TUBA8: variants seen among roughly 807,000 people sequenced by gnomAD.
TUBA8 encodes tubulin alpha-8 chain.
TUBA8 carries 29 observed loss-of-function variants against 34.7 expected under a neutral mutation model. That is an observed-to-expected ratio of 0.84 (90% confidence interval 0.62 to 1.14). TUBA8 has a LOEUF of 1.14. Among genes scored for constraint, TUBA8 ranks in the 50% most tolerant of loss-of-function variants. The pLI, the probability that TUBA8 is intolerant of heterozygous loss-of-function variation, is 0.00. For synonymous variants in TUBA8, 226 were observed against 231.2 expected (o/e 0.98, Z 0.21); for missense variants, 541 against 599.2 (o/e 0.90, Z 1.01).
Position 18,121,539 on chromosome 22 carries a change from G to A in TUBA8, c.64G>A (p.Glu22Lys), listed in dbSNP as rs1216995134. The A allele has an allele frequency of 1.9e-6, 3 of 1,614,204 alleles. No individual in the cohort carries two copies. The highest frequency in any genetic ancestry group is 1.7e-5 in the Admixed American group (1 of 60,022). Residue 22 changes from glutamate (E) to lysine (K), a missense_variant, in exon 2 of 5, where the codon GAG becomes AAG. Coordinates refer to ENST00000330423, the MANE Select transcript of TUBA8 (RefSeq NM_018943.3). This position sits in a 1 kb window ranked among gnomAD's most constrained non-coding sequence, Gnocchi z 4.8. Reference protein sequence around the residue: ...AGVQIGNACWELFCLEHGIQA... With the variant: ...AGVQIGNACWKLFCLEHGIQA... ...AGTTCAGATTGGCAATGCCTGCTGG[G>A]AGCTCTTCTGCCTGGAACACGGCAT...
Position 18,110,966 on chromosome 22 carries a change from C to T in TUBA8, c.3+98C>T. On this transcript the variant is annotated intron_variant, in intron 1 of 4. Coordinates refer to ENST00000330423, the MANE Select transcript of TUBA8 (RefSeq NM_018943.3). This position sits in a 1 kb window ranked among gnomAD's most constrained non-coding sequence, Gnocchi z 6.2. ...GGCGCACGGACCCGTCTTCCTGGAG[C>T]CGCAGGGCTCAAGGCCTTCTGGGGG... 1.3e-6 allele frequency: 2 copies of T among 1,523,146 alleles called. No individual in the cohort carries two copies. The highest frequency in any genetic ancestry group is 1.8e-6 in the Non-Finnish European group (2 of 1,137,434). The allele number at this position is 1,523,146 out of a possible 1,614,324, so 94.4% of individuals were successfully genotyped here. A position where few individuals can be genotyped will look rare whatever the true frequency, so the allele number is the denominator to read the frequency against.
chr22:18,114,252 G>A (rs925530953), intron 1 of TUBA8: 1 of 152,340 alleles, frequency 6.6e-6, no homozygotes, highest in Non-Finnish European at 1.5e-5. Flanking sequence ...AGTGTCTCTT[G>A]CACCTGCCCC....
At chr22:18,116,019 G>C (rs1927961715) in intron 1 of TUBA8, 1 of 152,286 alleles carries the variant, frequency 6.6e-6, no homozygotes, top group South Asian at 2.1e-4. Flanking sequence ...AACTGAGAGA[G>C]ACAGGAGCAG....
chr22:18,129,461 TCAAGAGA>T (rs1569201919), intron 4 of TUBA8: 1 of 152,222 alleles, frequency 6.6e-6, no homozygotes, highest in Admixed American at 6.5e-5. Flanking sequence ...TTGACTCAGG[TCAAGAGA>T]TGTTAGCACT....
chr22:18,127,394 G>GTTTTT (rs1302279460), intron 4 of TUBA8: 11 of 147,400 alleles, frequency 7.5e-5, no homozygotes, highest in Non-Finnish European at 9.7e-5. Context: ...CGTTAGTTTT[G>GTTTTT]TTTTTTTTTT....
chr22:18,112,563 C>T (rs1046159915), intron 1 of TUBA8: 1 of 152,214 alleles, frequency 6.6e-6, no homozygotes, highest in African/African-American at 2.4e-5. Flanking sequence ...CTTAACCCAG[C>T]CCTGTGCACA....
At chr22:18,127,074 G>A in intron 4 of TUBA8, 40 bp downstream of exon 4, 2 of 1,608,978 alleles carry the variant, frequency 1.2e-6, no homozygotes, top group Non-Finnish European at 8.5e-7. Flanking sequence ...GAGGACTAGA[G>A]AAGCAGAGGG....
Position 18,126,998 on chromosome 22 carries a change from C to T in TUBA8, c.1020C>T (p.Thr340=), listed in dbSNP as rs752318107. 3 of 1,614,098 alleles carry T rather than the reference C, an allele frequency of 1.9e-6. No homozygotes were observed. The highest frequency in any genetic ancestry group is 1.7e-5 in the Admixed American group (1 of 60,002). ...TTGCTGCCATCAAGACCAAGAGGACCATCCAGTTTGTAGACTGGTGTCCCA... is the reference window on the plus strand; with the variant it reads ...TTGCTGCCATCAAGACCAAGAGGACTATCCAGTTTGTAGACTGGTGTCCCA... ...VAIAAIKTKR[T]IQFVDWCPTG... is the part of the protein sequence containing the mutation. Residue 340 remains threonine, a synonymous_variant, in exon 4 of 5, where the codon ACC becomes ACT. Transcript: ENST00000330423. This position sits in a 1 kb window ranked among gnomAD's most constrained non-coding sequence, Gnocchi z 4.0.
Position 18,121,626 on chromosome 22 carries a change from A to G in TUBA8, c.151A>G (p.Thr51Ala), listed in dbSNP as rs1244031361. Residue 51 changes from threonine to alanine, a missense_variant, in exon 2 of 5, where the codon ACC becomes GCC. Thr to Ala is a moderately conservative substitution (Grantham distance 58, BLOSUM62 0). Coordinates refer to ENST00000330423, the MANE Select transcript of TUBA8 (RefSeq NM_018943.3). This position sits in a 1 kb window ranked among gnomAD's most constrained non-coding sequence, Gnocchi z 4.8. ...GATCAACGATGATGACTCCTTCACCACCTTTTTCAGCGAGACTGGCAATGG... is the reference window on the plus strand; with the variant it reads ...GATCAACGATGATGACTCCTTCACCGCCTTTTTCAGCGAGACTGGCAATGG... ...SKINDDDSFT[T>A]FFSETGNGKH... 1.9e-6 allele frequency: 3 copies of G among 1,614,000 alleles called. No individual in the cohort carries two copies. Among genetic ancestry groups the G allele is most frequent in the East Asian group, 2.2e-5 (1 of 44,870 alleles).
At chr22:18,117,323 G>A (rs554920376) in intron 1 of TUBA8, 4 of 152,338 alleles carry the variant, frequency 2.6e-5, no homozygotes, top group East Asian at 1.9e-4. Context: ...TTATGAATAC[G>A]CTGAACAAAG....
At chr22:18,114,151 T>A (rs965119834) in intron 1 of TUBA8, 1 of 152,282 alleles carries the variant, frequency 6.6e-6, no homozygotes, top group African/African-American at 2.4e-5. Flanking sequence ...TCCCCTGCAG[T>A]GTCTTCCTGT....
At chr22:18,113,047 T>C (rs1376198120) in intron 1 of TUBA8, 1 of 152,272 alleles carries the variant, frequency 6.6e-6, no homozygotes, top group African/African-American at 2.4e-5. Context: ...TTGGAATTTC[T>C]GTAGGCTCTG....
chr22:18,130,715 T>A, intron 4 of TUBA8, 128 bp from the exon 5 acceptor site: 1 of 1,229,470 alleles, frequency 8.1e-7, no homozygotes, highest in Non-Finnish European at 1.1e-6. Context: ...TTGCATCCCA[T>A]AGCCCCACTC....
At chr22:18,114,515 G>A (rs559244800) in intron 1 of TUBA8, 2 of 152,294 alleles carry the variant, frequency 1.3e-5, no homozygotes, top group South Asian at 2.1e-4. Flanking sequence ...CCCTATGATC[G>A]AAGAGTTCTG....
At position 18,119,781 on chromosome 22, in the gene TUBA8, C is replaced by T. The variant is rs1928091650; in HGVS notation, c.4-1698C>T. On this transcript the variant is annotated intron_variant, in intron 1 of 4. Transcript: ENST00000330423. The surrounding 1 kb of genome is among the most constrained non-coding windows in gnomAD (Gnocchi z 5.9). Reference sequence around the variant, plus strand: ...GCAAGATGCTACTCAGGGCAGCTGCCCTGCTCTCCATGCCCAGAATTTCTT... The same window carrying T: ...GCAAGATGCTACTCAGGGCAGCTGCTCTGCTCTCCATGCCCAGAATTTCTT... 6.6e-6 allele frequency: 1 copy of T among 152,402 alleles called. No homozygotes were observed. Among genetic ancestry groups the T allele is most frequent in the South Asian group, 2.1e-4 (1 of 4,834 alleles). 9.4% of individuals were successfully genotyped at this position (152,402 alleles called of 1,614,324 possible). A position where few individuals can be genotyped will look rare whatever the true frequency, so the allele number is the denominator to read the frequency against.
rs145002927 is a variant in TUBA8, at chr22:18,126,359, T to A, written c.381T>A (p.Asp127Glu). The stretch of plus-strand genomic sequence containing the variant: ...TCATGTCCTGCTCTCCCTAGACAGA[T>A]GCTTGCTCTGGCCTGCAGGGCTTCC... Reference protein sequence around the residue: ...LVLDRIRKLTDACSGLQGFLI... With the variant: ...LVLDRIRKLTEACSGLQGFLI... Residue 127 changes from aspartate to glutamate, a missense_variant, in exon 4 of 5, where the codon GAT becomes GAA. Coordinates refer to ENST00000330423, the MANE Select transcript of TUBA8 (RefSeq NM_018943.3). This position sits in a 1 kb window ranked among gnomAD's most constrained non-coding sequence, Gnocchi z 4.0. 2.5e-6 allele frequency: 4 copies of A among 1,614,084 alleles called. No homozygotes were observed. Among genetic ancestry groups the A allele is most frequent in the Non-Finnish European group, 3.4e-6 (4 of 1,180,032 alleles).
chr22:18,120,520 T>A (rs1928114884), intron 1 of TUBA8: 1 of 152,216 alleles, frequency 6.6e-6, no homozygotes. Flanking sequence ...ATTTTCTGTA[T>A]CCAGTCTACC....
chr22:18,125,466 G>T (rs1928282860), intron 3 of TUBA8: 1 of 138,550 alleles, frequency 7.2e-6, no homozygotes, highest in African/African-American at 2.8e-5. Context: ...AGTGAACCAA[G>T]ATTGCACCAC....
Position 18,130,991 on chromosome 22 carries a change from G to A in TUBA8, c.1205G>A (p.Arg402Gln), listed in dbSNP as rs145639548. ...DHKFDLMYAK[R>Q]AFVHWYVGEG... is the part of the protein sequence containing the mutation. ...AAGTTCGACCTCATGTACGCCAAGCGGGCCTTTGTGCATTGGTATGTGGGA... is the reference window on the plus strand; with the variant it reads ...AAGTTCGACCTCATGTACGCCAAGCAGGCCTTTGTGCATTGGTATGTGGGA... Residue 402 changes from arginine (R) to glutamine (Q), a missense_variant, in exon 5 of 5, where the codon CGG (arginine) becomes CAG (glutamine). Coordinates refer to ENST00000330423, the MANE Select transcript of TUBA8 (RefSeq NM_018943.3). 4.6e-5 allele frequency: 75 copies of A among 1,614,046 alleles called. No individual in the cohort carries two copies. Among genetic ancestry groups the A allele is most frequent in the African/African-American group, 3.2e-4 (24 of 74,912 alleles).
Sources: allele counts gnomAD v4.1 joint callset, GRCh38; gene constraint gnomAD v4.1.1; non-coding constraint Gnocchi (gnomAD v3.1); transcripts MANE v1.5; gene names NCBI Gene and HGNC (gene_info 2026-07-23, HGNC 2026-07-21).